HOXA4: variants seen among roughly 807,000 people sequenced by gnomAD.
HOXA4 encodes homeobox protein Hox-A4.
A neutral mutation model predicts 25.3 loss-of-function variants in HOXA4; 31 were observed. That is an observed-to-expected ratio of 1.22 (90% confidence interval 0.92 to 1.65). HOXA4 has a LOEUF of 1.65. HOXA4 is among the 40% of genes most tolerant of loss of function. HOXA4 has a pLI of 0.00. For missense variants in HOXA4, 459 were observed against 446.0 expected (o/e 1.03, Z -0.26); for synonymous variants, 225 against 207.7 (o/e 1.08, Z -0.72).
rs1785430033 is a variant in HOXA4, at chr7:27,129,544, G to A, written c.644C>T (p.Pro215Leu). Residue 215 changes from proline to leucine, a missense_variant, in exon 2 of 2, where the codon CCT (proline) becomes CTT (leucine). Pro to Leu is a moderately conservative substitution (Grantham distance 98, BLOSUM62 -3). Coordinates refer to ENST00000360046, the MANE Select transcript of HOXA4 (RefSeq NM_002141.5). ...GGTGTAGGCGGTTCGAGAGCGCTTA[G>A]GCTCCCCTCCGTTATAACTGGGGTT... ...AVNPSYNGGEPKRSRTAYTRQ... is the reference protein window; with the variant it reads ...AVNPSYNGGELKRSRTAYTRQ... 4.3e-6 allele frequency: 7 copies of A among 1,613,914 alleles called. No individual in the cohort carries two copies. The highest frequency in any genetic ancestry group is 5.9e-6 in the Non-Finnish European group (7 of 1,180,032).
rs1404705406 is a variant in HOXA4, at chr7:27,130,214, C to A, written c.520G>T (p.Ala174Ser). ...TTGTCGGCCAAGAGCAGCGGGCACG[C>A]GGGGGCGCTGCCCCCTGCCGGGACG... is the stretch of plus-strand genomic sequence containing the variant. ...PGVPAGGSAPACPLLLADKSP... is the reference protein window; with the variant it reads ...PGVPAGGSAPSCPLLLADKSP... The change falls in exon 1 of 2, where the codon GCG becomes TCG. Residue 174 changes from alanine to serine, a missense_variant. Ala to Ser is a moderately conservative substitution (Grantham distance 99). Transcript: ENST00000360046. 1 of 1,525,250 alleles carries A rather than the reference C, an allele frequency of 6.6e-7. No homozygotes were observed. The highest frequency in any genetic ancestry group is 1.9e-5 in the Admixed American group (1 of 51,422). The allele number at this position is 1,525,250 out of a possible 1,614,324, so 94.5% of individuals were successfully genotyped here.
At position 27,129,378 on chromosome 7, in the gene HOXA4, C is replaced by G. The variant is rs1785418807; in HGVS notation, c.810G>C (p.Trp270Cys). The stretch of plus-strand genomic sequence containing the variant: ...TGTTGGGCAGTTTGTGGTCTTTCTT[C>G]CACTTCATCCTCCGGTTCTGAAACC... ...KIWFQNRRMK[W>C]KKDHKLPNTK... Residue 270 changes from tryptophan (W) to cysteine (C), a missense_variant, in exon 2 of 2, where the codon TGG (tryptophan) becomes TGC (cysteine). Coordinates refer to ENST00000360046, the MANE Select transcript of HOXA4 (RefSeq NM_002141.5). The G allele has an allele frequency of 3.1e-6, 5 of 1,614,128 alleles. No individual in the cohort carries two copies. Among genetic ancestry groups the G allele is most frequent in the Non-Finnish European group, 4.2e-6 (5 of 1,180,042 alleles).
In HOXA4 at chr7:27,128,660, T is replaced by TG; in HGVS notation, c.*564dup. 1.2e-5 allele frequency: 2 copies of TG among 166,884 alleles called. No individual in the cohort carries two copies. The highest frequency in any genetic ancestry group is 1.5e-4 in the South Asian group (1 of 6,604). 10.3% of individuals were successfully genotyped at this position (166,884 alleles called of 1,614,324 possible). Reference sequence around the variant, plus strand: ...CCCCAGAAGGGGACAACAGTATCTCTGTAACAGTGTCTTAAATAAATGCAA... The same window carrying TG: ...CCCCAGAAGGGGACAACAGTATCTCTGGTAACAGTGTCTTAAATAAATGCAA... On this transcript the variant is annotated 3_prime_UTR_variant, in exon 2 of 2. Coordinates refer to ENST00000360046, the MANE Select transcript of HOXA4 (RefSeq NM_002141.5).
rs1248322701 is a variant in HOXA4, at chr7:27,129,411, G to C, written c.777C>G (p.Val259=). 1 of 1,614,056 alleles carries C rather than the reference G, an allele frequency of 6.2e-7. No homozygotes were observed. The highest frequency in any genetic ancestry group is 8.5e-7 in the Non-Finnish European group (1 of 1,180,046). The change falls in exon 2 of 2, where the codon GTC becomes GTG. Residue 259 remains valine, a synonymous_variant. Transcript: ENST00000360046. ...AHTLCLSERQ[V]KIWFQNRRMK... ...TCCTCCGGTTCTGAAACCAGATCTT[G>C]ACCTGGCGCTCAGACAAACAGAGCG...
rs1406152635 is a variant in HOXA4 at position 27,129,321 on chromosome 7, G to A, written c.867C>T (p.Ala289=). The A allele has an allele frequency of 3.1e-6, 5 of 1,614,100 alleles. No individual in the cohort carries two copies. Among genetic ancestry groups the A allele is most frequent in the East Asian group, 2.2e-5 (1 of 44,878 alleles). ...GTGCTTTCCCTGGTGGGCCGGCAGA[G>A]GCCGAGGCCGAATTGGAGGATCGCA... is the stretch of plus-strand genomic sequence containing the variant. The part of the protein sequence containing the change: ...TKMRSSNSAS[A]SAGPPGKAQT... Residue 289 remains alanine, a synonymous_variant, in exon 2 of 2, where the codon GCC becomes GCT. Transcript: ENST00000360046.
In HOXA4 at chr7:27,130,622, C is replaced by G; in HGVS notation, c.112G>C (p.Gly38Arg). ...GGGGGCTGCTGGTAGCCGGGGCCCC[C>G]GCCCGGGCCGCCGTCTGCGCCGCCC... is the stretch of plus-strand genomic sequence containing the variant. ...GSGGADGGPG[G>R]GPGYQQPPAP... Residue 38 changes from glycine (G) to arginine (R), a missense_variant, in exon 1 of 2, where the codon GGG becomes CGG. Coordinates refer to ENST00000360046, the MANE Select transcript of HOXA4 (RefSeq NM_002141.5). The G allele has an allele frequency of 6.4e-7, 1 of 1,562,712 alleles. No individual in the cohort carries two copies. The highest frequency in any genetic ancestry group is 2.4e-5 in the East Asian group (1 of 41,900).
chr7:27,130,402 C>T lies in HOXA4; in HGVS notation c.332G>A (p.Gly111Glu). 8.6e-7 allele frequency: 1 copy of T among 1,165,426 alleles called. No homozygotes were observed. Among genetic ancestry groups the T allele is most frequent in the Non-Finnish European group, 1.1e-6 (1 of 946,236 alleles). The allele number at this position is 1,165,426 out of a possible 1,614,324, so 72.2% of individuals were successfully genotyped here. Residue 111 changes from glycine to glutamate, a missense_variant, in exon 1 of 2, where the codon GGG becomes GAG. By Grantham distance (98) the Gly-to-Glu change is moderately conservative. Coordinates refer to ENST00000360046, the MANE Select transcript of HOXA4 (RefSeq NM_002141.5). ...GGGCTGCTCGGGCTGGGGCGGCCGC[C>T]CGGGGCTGGCGCCGCCGCGGTAGCC... ...PYGYRGGASP[G>E]RPPQPEQPPA...
At position 27,130,553 on chromosome 7, in the gene HOXA4, G is replaced by T. The variant is rs1445959719; in HGVS notation, c.181C>A (p.Pro61Thr). The change falls in exon 1 of 2, where the codon CCT becomes ACT. Residue 61 changes from proline to threonine, a missense_variant. By Grantham distance (38) the Pro-to-Thr change is conservative. Coordinates refer to ENST00000360046, the MANE Select transcript of HOXA4 (RefSeq NM_002141.5). ...QHLPLQQPQL[P>T]HAGGGREPTA... ...GGCTCTCGGCCGCCGCCCGCGTGAG[G>T]GAGCTGGGGCTGCTGCAGCGGCAGG... 2 of 1,394,454 alleles carry T rather than the reference G, an allele frequency of 1.4e-6. No homozygotes were observed. Among genetic ancestry groups the T allele is most frequent in the Non-Finnish European group, 1.9e-6 (2 of 1,070,184 alleles). The allele number at this position is 1,394,454 out of a possible 1,614,324, so 86.4% of individuals were successfully genotyped here. A position where few individuals can be genotyped will look rare whatever the true frequency, so the allele number is the denominator to read the frequency against.
Position 27,128,764 on chromosome 7 carries a change from T to A in HOXA4, c.*461A>T, listed in dbSNP as rs897776338. ...TTAAATAATCTTGTGAGGTCCACAA[T>A]GTCTACTCATTTATTCAGTTAAATA... On this transcript the variant is annotated 3_prime_UTR_variant, in exon 2 of 2. Coordinates refer to ENST00000360046, the MANE Select transcript of HOXA4 (RefSeq NM_002141.5). 1.1e-5 allele frequency: 2 copies of A among 189,654 alleles called. No homozygotes were observed. The highest frequency in any genetic ancestry group is 2.2e-5 in the Non-Finnish European group (2 of 89,234). The allele number at this position is 189,654 out of a possible 1,614,324, so 11.7% of individuals were successfully genotyped here.
Position 27,129,238 on chromosome 7 carries a change from G to A in HOXA4, c.950C>T (p.Pro317Leu), listed in dbSNP as rs1785408381. ...ATCTCTAGAAGATTATATGGAGGAGGGAACGGGTGTGGAGGTGCTCGGGTG... is the reference window on the plus strand; with the variant it reads ...ATCTCTAGAAGATTATATGGAGGAGAGAACGGGTGTGGAGGTGCTCGGGTG... The part of the protein sequence containing the change: ...HPHPSTSTPV[P>L]SSI The change falls in exon 2 of 2, where the codon CCC becomes CTC. Residue 317 changes from proline (P) to leucine (L), a missense_variant. Pro to Leu is a moderately conservative substitution (Grantham distance 98). Coordinates refer to ENST00000360046, the MANE Select transcript of HOXA4 (RefSeq NM_002141.5). The A allele has an allele frequency of 1.3e-6, 2 of 1,539,862 alleles. No individual in the cohort carries two copies. Among genetic ancestry groups the A allele is most frequent in the Middle Eastern group, 1.7e-4 (1 of 5,886 alleles).
Position 27,130,455 on chromosome 7 carries a change from A to C in HOXA4, c.279T>G (p.His93Gln). The change falls in exon 1 of 2, where the codon CAT becomes CAG. Residue 93 changes from histidine to glutamine, a missense_variant. Coordinates refer to ENST00000360046, the MANE Select transcript of HOXA4 (RefSeq NM_002141.5). ...AGGGGTAGGCGGTGTCCGCGGCCCC[A>C]TGCGCGGGGTACAGCGCGGCAGCAG... ...AYPAAALYPA[H>Q]GAADTAYPYG... is the part of the protein sequence containing the mutation. The C allele has an allele frequency of 8.2e-7, 1 of 1,224,716 alleles. No homozygotes were observed. The highest frequency in any genetic ancestry group is 1.0e-6 in the Non-Finnish European group (1 of 983,778). 75.9% of individuals were successfully genotyped at this position (1,224,716 alleles called of 1,614,324 possible). A position where few individuals can be genotyped will look rare whatever the true frequency, so the allele number is the denominator to read the frequency against.
chr7:27,129,890 G>A (rs1243569759), intron 1 of HOXA4: 1 of 610,314 alleles, frequency 1.6e-6, no homozygotes, highest in African/African-American at 1.9e-5. Context: ...TAACAGTTTG[G>A]CGTCTCGTAA....
chr7:27,129,751 G>T (rs1785439868), intron 1 of HOXA4, among the ~76,000 whole-genome samples, 180 bp from the exon 2 acceptor site: 1 of 152,198 alleles, frequency 6.6e-6, no homozygotes, highest in Non-Finnish European at 1.5e-5. Context: ...ACAGGCTATT[G>T]ACAACGGGAA....
intron 1 of HOXA4, 141 bp from the exon 2 acceptor site, chr7:27,129,712 G>T: frequency 1.1e-6 from 1 of 932,130 alleles, no homozygotes; most frequent in Non-Finnish European, 1.7e-6. Context: ...GTTCACGCAA[G>T]ATACATAAAA....
chr7:27,130,158 G>C lies in HOXA4; in HGVS notation c.576C>G (p.Pro192=). 1 of 1,602,346 alleles carries C rather than the reference G, an allele frequency of 6.2e-7. No homozygotes were observed. The stretch of plus-strand genomic sequence containing the variant: ...TCTTCTTCATCCAGGGGTACACCAC[G>C]GGCTCCTTGCCCTTCAGGCCCAGCG... ...KSPLGLKGKE[P]VVYPWMKKIH... Residue 192 remains proline, a synonymous_variant, in exon 1 of 2, where the codon CCC becomes CCG. Transcript: ENST00000360046.
At position 27,128,999 on chromosome 7, in the gene HOXA4, A is replaced by G. The variant is rs1785397397; in HGVS notation, c.*226T>C. On this transcript the variant is annotated 3_prime_UTR_variant, in exon 2 of 2. Transcript: ENST00000360046. ...CCTGGCAGCCTTGTTTCGGGCCAGC[A>G]GGTTGTTCCACCAGCCAGCATCCTG... 1 of 594,242 alleles carries G rather than the reference A, an allele frequency of 1.7e-6. No homozygotes were observed. The allele number at this position is 594,242 out of a possible 1,614,324, so 36.8% of individuals were successfully genotyped here.
Position 27,129,392 on chromosome 7 carries a change from G to C in HOXA4, c.796C>G (p.Arg266Gly). The change falls in exon 2 of 2, where the codon CGG becomes GGG. Residue 266 changes from arginine (R) to glycine (G), a missense_variant. Arg to Gly is a moderately radical substitution (Grantham distance 125). Transcript: ENST00000360046. The stretch of plus-strand genomic sequence containing the variant: ...TGGTCTTTCTTCCACTTCATCCTCC[G>C]GTTCTGAAACCAGATCTTGACCTGG... ...ERQVKIWFQN[R>G]RMKWKKDHKL... The C allele has an allele frequency of 6.2e-7, 1 of 1,614,158 alleles. No homozygotes were observed. Among genetic ancestry groups the C allele is most frequent in the Non-Finnish European group, 8.5e-7 (1 of 1,180,038 alleles).
chr7:27,130,612 C>T lies in HOXA4; in HGVS notation c.122G>A (p.Gly41Asp). The T allele has an allele frequency of 5.2e-6, 8 of 1,547,316 alleles. No homozygotes were observed. The highest frequency in any genetic ancestry group is 1.4e-5 in the African/African-American group (1 of 72,370). The change falls in exon 1 of 2, where the codon GGC (glycine) becomes GAC (aspartate). Residue 41 changes from glycine to aspartate, a missense_variant. Transcript: ENST00000360046. ...CGGGGGCGCTGGGGGCTGCTGGTAG[C>T]CGGGGCCCCCGCCCGGGCCGCCGTC... ...GADGGPGGGP[G>D]YQQPPAPPTQ...
In HOXA4 at chr7:27,128,666, A is replaced by C. The variant is rs375321035; in HGVS notation, c.*559T>G. 3.1e-4 allele frequency: 51 copies of C among 167,038 alleles called. No homozygotes were observed. In the East Asian group the frequency reaches 3.1e-3, roughly 10 times the overall value. 10.3% of individuals were successfully genotyped at this position (167,038 alleles called of 1,614,324 possible). A position where few individuals can be genotyped will look rare whatever the true frequency, so the allele number is the denominator to read the frequency against. On this transcript the variant is annotated 3_prime_UTR_variant, in exon 2 of 2. Transcript: ENST00000360046. The stretch of plus-strand genomic sequence containing the variant: ...AAGGGGACAACAGTATCTCTGTAAC[A>C]GTGTCTTAAATAAATGCAAGTAAGA...
Sources: gnomAD v4.1 joint callset for allele counts (sites outside exome capture counted in the v4.1 genomes callset) on GRCh38, gnomAD v4.1.1 for gene constraint, MANE v1.5 for transcripts, NCBI Gene and HGNC (gene_info 2026-07-23, HGNC 2026-07-21) for gene names.